Variants in PRR16 observed in about 807,000 individuals in gnomAD.
PRR16 encodes protein Largen.
In PRR16, 6 loss-of-function variants were observed where a neutral mutation model predicts 18.2. The ratio of observed to expected loss-of-function variants is 0.33; its 90% CI spans 0.18 to 0.65. PRR16 has a LOEUF of 0.65. PRR16 is among the 30% of genes least tolerant of loss of function. The pLI, the probability that PRR16 is intolerant of heterozygous loss-of-function variation, is 0.74. For synonymous variants in PRR16, 151 were observed against 147.8 expected, an observed-to-expected ratio of 1.02 and a Z score of -0.16; for missense variants, 412 against 376.6, an observed-to-expected ratio of 1.09 and a Z score of -0.78.
At chr5:120,663,393 T>G (rs1756243352) in intron 1 of PRR16, among the ~76,000 whole-genome samples, 1 of 152,092 alleles carries the variant, frequency 6.6e-6, no homozygotes, top group South Asian at 2.1e-4. Flanking sequence ...TTTTTATAAG[T>G]AAAAATCATG....
intron 1 of PRR16, among the ~76,000 whole-genome samples, chr5:120,569,712 G>T (rs1008071878): frequency 1.1e-4 from 16 of 152,048 alleles, no homozygotes; most frequent in African/African-American, 3.9e-4. Context: ...TCAAGGCAGG[G>T]TTCATAAAAG....
At chr5:120,613,344 G>C (rs61543052) in intron 1 of PRR16, among the ~76,000 whole-genome samples, 7,701 of 147,762 alleles carry the variant, frequency 0.052, 487 homozygotes, top group African/African-American at 0.15. Context: ...AACTTCAGTG[G>C]AAATAAAATT....
At chr5:120,519,398 G>A (rs998995258) in intron 1 of PRR16, among the ~76,000 whole-genome samples, 3 of 152,086 alleles carry the variant, frequency 2.0e-5, no homozygotes, top group African/African-American at 4.8e-5. Flanking sequence ...CTTCTTAGAC[G>A]TGAACTGATT....
chr5:120,496,662 A>G (rs572128586), intron 1 of PRR16, among the ~76,000 whole-genome samples: 32 of 151,488 alleles, frequency 2.1e-4, no homozygotes, highest in African/African-American at 4.1e-4. Flanking sequence ...AGGGCTCTAT[A>G]TTTGATTTAT....
chr5:120,484,356 A>G lies in PRR16; in HGVS notation c.159+19711A>G, dbSNP rs1441695433. ...AATGTATATACTTTGTATTACATAT[A>G]AAATATATAATACATGAATATTATA... is the stretch of plus-strand genomic sequence containing the variant. On this transcript the variant is annotated intron_variant, in intron 1 of 1. Coordinates refer to ENST00000407149, the MANE Select transcript of PRR16 (RefSeq NM_001300783.2). Among the ~76,000 whole-genome samples the G allele has an allele frequency of 5.1e-3, 18 of 3,536 alleles. No homozygotes were observed. The East Asian group carries it at 0.15, about 29-fold the overall frequency. The allele number at this position is 3,536 out of a possible 152,430, so 2.3% of individuals were successfully genotyped here.
intron 1 of PRR16, among the ~76,000 whole-genome samples, chr5:120,489,813 G>A (rs1244946283): frequency 1.3e-5 from 2 of 152,104 alleles, no homozygotes; most frequent in South Asian, 2.1e-4. Flanking sequence ...TCCATGTTTA[G>A]TGCTTCTTCA....
chr5:120,527,193 G>A (rs992960838), intron 1 of PRR16, among the ~76,000 whole-genome samples: 2 of 152,058 alleles, frequency 1.3e-5, no homozygotes, highest in Non-Finnish European at 2.9e-5. Context: ...ACCAATATTT[G>A]TATAACAAAC....
At chr5:120,668,518 G>C (rs551171814) in intron 1 of PRR16, among the ~76,000 whole-genome samples, 1 of 152,102 alleles carries the variant, frequency 6.6e-6, no homozygotes, top group East Asian at 1.9e-4. Context: ...TGGTTATTTT[G>C]CTCGTTAGTT....
At chr5:120,589,546 G>A (rs1428940423) in intron 1 of PRR16, among the ~76,000 whole-genome samples, 2 of 152,068 alleles carry the variant, frequency 1.3e-5, no homozygotes, top group South Asian at 4.2e-4. Context: ...GAGACTGGGA[G>A]GATAAAAGAG....
the PRR16 span, among the ~76,000 whole-genome samples, chr5:120,784,470 T>A: frequency 6.6e-6 from 1 of 152,334 alleles, no homozygotes; most frequent in South Asian, 2.1e-4. Flanking sequence ...ATGTTGAGCA[T>A]ATTTTGTATA....
At position 120,614,531 on chromosome 5, in the gene PRR16, G is replaced by C. The variant is rs555310432; in HGVS notation, c.160-71423G>C. ...TTTGGATAATTGAAAACACTTTAATGATTTACTTCAAACATTCACCAGATA... is the reference window on the plus strand; with the variant it reads ...TTTGGATAATTGAAAACACTTTAATCATTTACTTCAAACATTCACCAGATA... On this transcript the variant is annotated intron_variant, in intron 1 of 1. Transcript: ENST00000407149. Among the ~76,000 whole-genome samples, 5 of 152,294 alleles carry C rather than the reference G, an allele frequency of 3.3e-5. No individual in the cohort carries two copies. In the South Asian group the frequency reaches 1.0e-3, roughly 32 times the overall value.
chr5:120,683,634 G>GTA (rs1318221743), intron 1 of PRR16, among the ~76,000 whole-genome samples: 1 of 151,788 alleles, frequency 6.6e-6, no homozygotes, highest in African/African-American at 2.4e-5. Flanking sequence ...GTTTATTTAT[G>GTA]TATAGTACAC....
At chr5:120,611,172 G>A (rs1754321386) in intron 1 of PRR16, among the ~76,000 whole-genome samples, 2 of 152,192 alleles carry the variant, frequency 1.3e-5, no homozygotes, top group South Asian at 4.1e-4. Context: ...TTTCTAAGAA[G>A]CAAAGTGTGC....
At chr5:120,624,652 T>C (rs73256057) in intron 1 of PRR16, among the ~76,000 whole-genome samples, 2,887 of 152,224 alleles carry the variant, frequency 0.019, 107 homozygotes, top group African/African-American at 0.066. Flanking sequence ...AGGGGTGTTA[T>C]AGATTTTAAA....
At chr5:120,680,025 T>C (rs1381184044) in intron 1 of PRR16, among the ~76,000 whole-genome samples, 1 of 152,158 alleles carries the variant, frequency 6.6e-6, no homozygotes, top group Non-Finnish European at 1.5e-5. Flanking sequence ...TGGGTAACTA[T>C]GTGAGATGAT....
At chr5:120,675,810 A>G (rs2150150160) in intron 1 of PRR16, among the ~76,000 whole-genome samples, 1 of 152,296 alleles carries the variant, frequency 6.6e-6, no homozygotes, top group South Asian at 2.1e-4. Flanking sequence ...GACAAACTGC[A>G]TTATAGTTTT....
chr5:120,702,219 A>G, the PRR16 span, among the ~76,000 whole-genome samples: 9 of 150,248 alleles, frequency 6.0e-5, no homozygotes, highest in African/African-American at 2.2e-4. Context: ...GGGGCTCAGA[A>G]ATAAGGGGTC....
At chr5:120,707,205 CATTAAAGTTACTTACTA>C in the PRR16 span, among the ~76,000 whole-genome samples, 10 of 152,146 alleles carry the variant, frequency 6.6e-5, no homozygotes, top group African/African-American at 1.2e-4. Context: ...TCTTGTTCAC[CATTAAAGTTACTTACTA>C]AGAGCCTGAG....
At chr5:120,614,140 A>T (rs908912791) in intron 1 of PRR16, among the ~76,000 whole-genome samples, 3 of 152,184 alleles carry the variant, frequency 2.0e-5, no homozygotes, top group South Asian at 2.1e-4. Flanking sequence ...TCAAACTGTG[A>T]CCCTGCACGT....
Sources: gnomAD v4.1 joint callset for allele counts (sites outside exome capture counted in the v4.1 genomes callset) on GRCh38, gnomAD v4.1.1 for gene constraint, MANE v1.5 for transcripts, NCBI Gene and HGNC (gene_info 2026-07-23, HGNC 2026-07-21) for gene names.